Variants in ASAP2 observed in about 807,000 individuals in gnomAD.
The protein encoded by ASAP2 is arf-GAP with SH3 domain, ANK repeat and PH domain-containing protein 2.
ASAP2 carries 45 observed loss-of-function variants against 131.4 expected under a neutral mutation model. The ratio of observed to expected loss-of-function variants is 0.34; its 90% CI spans 0.27 to 0.44. ASAP2 has a LOEUF of 0.44. ASAP2 is among the 20% of genes least tolerant of loss of function. The probability of loss-of-function intolerance (pLI) is 1.00; values close to 1 mark genes in which losing one functional copy is unlikely to be tolerated. For synonymous variants in ASAP2, 510 were observed against 503.0 expected (o/e 1.01, Z -0.19); for missense variants, 1,011 against 1,297.0 (o/e 0.78, Z 3.39).
At chr2:9,398,758 G>A (rs752102091) in intron 24 of ASAP2, 2 of 150,266 alleles carry the variant, frequency 1.3e-5, no homozygotes, top group African/African-American at 5.0e-5. Flanking sequence ...GCAGTGAGCC[G>A]AGATTGTGCC....
chr2:9,380,003 AT>A (rs201498447), intron 19 of ASAP2, among the ~76,000 whole-genome samples: 11,764 of 145,962 alleles, frequency 0.081, 1,459 homozygotes, highest in African/African-American at 0.26. Context: ...AAAAAAAAAA[AT>A]AAATAAAGTA....
At chr2:9,400,266 T>TGC (rs1676536984) in intron 25 of ASAP2, among the ~76,000 whole-genome samples, 194 bp downstream of exon 25, 3 of 80,404 alleles carry the variant, frequency 3.7e-5, no homozygotes, top group African/African-American at 1.8e-4. Flanking sequence ...CCTGCCCTCT[T>TGC]CCTCTCCTTC....
At chr2:9,248,447 A>AG (rs1434170367) in intron 1 of ASAP2, among the ~76,000 whole-genome samples, 1 of 151,806 alleles carries the variant, frequency 6.6e-6, no homozygotes, top group Admixed American at 6.6e-5. Context: ...ATGCCAGCGT[A>AG]GAGAGGATAG....
rs1324037367 is a variant in ASAP2 at position 9,207,546 on chromosome 2, CT to C, written c.126+317del. 6.6e-6 allele frequency among the ~76,000 whole-genome samples: 1 copy of C among 152,048 alleles called. No homozygotes were observed. Among genetic ancestry groups the C allele is most frequent in the Non-Finnish European group, 1.5e-5 (1 of 67,994 alleles). On this transcript the variant is annotated intron_variant, in intron 1 of 27. Coordinates refer to ENST00000281419, the MANE Select transcript of ASAP2 (RefSeq NM_003887.3). This position sits in a 1 kb window ranked among gnomAD's most constrained non-coding sequence, Gnocchi z 4.1. ...GGTCCGCGGCGAGCGGGGGATCCCGCTGCCCGCCGCCGCCCGCCGCCGCCCG... is the reference window on the plus strand; with the variant it reads ...GGTCCGCGGCGAGCGGGGGATCCCGCGCCCGCCGCCGCCCGCCGCCGCCCG...
chr2:9,395,543 G>GTGTTTT (rs1394281177), intron 24 of ASAP2, among the ~76,000 whole-genome samples: 1 of 144,334 alleles, frequency 6.9e-6, no homozygotes, highest in Non-Finnish European at 1.5e-5. Context: ...CTGCACTACT[G>GTGTTTT]TGTTTTTGTT....
rs191495561 is a variant in ASAP2 at position 9,286,456 on chromosome 2, A to G, written c.199+7067A>G. Reference sequence around the variant, plus strand: ...AAAAAGGAAAAAAAAAAATATATATATATATACTGTATCTGATTTCTACCT... The same window carrying G: ...AAAAAGGAAAAAAAAAAATATATATGTATATACTGTATCTGATTTCTACCT... On this transcript the variant is annotated intron_variant, in intron 2 of 27. Transcript: ENST00000281419. 3.2e-3 allele frequency among the ~76,000 whole-genome samples: 487 copies of G among 151,310 alleles called. 22 individuals carry two copies. In the East Asian group the frequency reaches 0.076, roughly 24 times the overall value.
chr2:9,380,552 A>G (rs1674757858), intron 19 of ASAP2, among the ~76,000 whole-genome samples, 189 bp from the exon 20 acceptor site: 1 of 152,146 alleles, frequency 6.6e-6, no homozygotes, highest in Non-Finnish European at 1.5e-5. Context: ...TACCTTCTGT[A>G]TTTAGCTGTA....
intron 1 of ASAP2, among the ~76,000 whole-genome samples, chr2:9,248,891 C>T (rs986124075): frequency 2.0e-4 from 31 of 152,176 alleles, no homozygotes; most frequent in Admixed American, 1.9e-3. Flanking sequence ...GAGGCTGGCT[C>T]TGTGTCTACC....
Position 9,217,703 on chromosome 2 carries a change from C to A in ASAP2, c.126+10473C>A, listed in dbSNP as rs555469593. 7.2e-5 allele frequency among the ~76,000 whole-genome samples: 11 copies of A among 152,058 alleles called. No homozygotes were observed. The South Asian group carries it at 2.3e-3, about 32-fold the overall frequency. The stretch of plus-strand genomic sequence containing the variant: ...AATCTCGGCTCACTGCAAGCTCCGC[C>A]TCCTGGGTTCACGCCATTCTTCTGT... On this transcript the variant is annotated intron_variant, in intron 1 of 27. Coordinates refer to ENST00000281419, the MANE Select transcript of ASAP2 (RefSeq NM_003887.3). The surrounding 1 kb of genome is among the most constrained non-coding windows in gnomAD (Gnocchi z 4.0).
At position 9,393,384 on chromosome 2, in the gene ASAP2, A is replaced by G; in HGVS notation, c.2519-98A>G. The G allele has an allele frequency of 3.6e-6, 4 of 1,121,362 alleles. No individual in the cohort carries two copies. In the South Asian group the frequency reaches 7.2e-5, roughly 20 times the overall value. The allele number at this position is 1,121,362 out of a possible 1,614,324, so 69.5% of individuals were successfully genotyped here. A position where few individuals can be genotyped will look rare whatever the true frequency, so the allele number is the denominator to read the frequency against. On this transcript the variant is annotated intron_variant, in intron 23 of 27. Coordinates refer to ENST00000281419, the MANE Select transcript of ASAP2 (RefSeq NM_003887.3). ...AGGTTTTTCCTTAGGAAATAGCAAT[A>G]AAAAACTGAAGCCCTTCTCAGAAAA...
In ASAP2 at chr2:9,318,609, G is replaced by A. The variant is rs1191963726; in HGVS notation, c.420+11G>A. 6.3e-7 allele frequency: 1 copy of A among 1,594,138 alleles called. No individual in the cohort carries two copies. The highest frequency in any genetic ancestry group is 1.3e-5 in the African/African-American group (1 of 74,208). On this transcript the variant is annotated intron_variant, in intron 4 of 27. Coordinates refer to ENST00000281419, the MANE Select transcript of ASAP2 (RefSeq NM_003887.3). ...AAAGGAGTGAAAGGGGTATGACATT[G>A]ACACTGTGACACCAGGGGCAGCTTT...
At position 9,341,219 on chromosome 2, in the gene ASAP2, G is replaced by A. The variant is rs528456399; in HGVS notation, c.850-3313G>A. ...TGAAAGGGCCGGTTTTCTCTGTCAG[G>A]CCTTCACCTGGTCAGGCGTTTTGTA... On this transcript the variant is annotated intron_variant, in intron 9 of 27. Coordinates refer to ENST00000281419, the MANE Select transcript of ASAP2 (RefSeq NM_003887.3). Among the ~76,000 whole-genome samples the A allele has an allele frequency of 2.0e-5, 3 of 152,244 alleles. No homozygotes were observed. In the East Asian group the frequency reaches 5.8e-4, roughly 29 times the overall value.
intron 11 of ASAP2, among the ~76,000 whole-genome samples, chr2:9,350,140 T>C (rs367951028): frequency 6.6e-5 from 10 of 152,346 alleles, no homozygotes; most frequent in African/African-American, 2.4e-4. Flanking sequence ...GAAACTGTAA[T>C]AAAATAGCCA....
At chr2:9,260,879 A>C (rs183425550) in intron 1 of ASAP2, among the ~76,000 whole-genome samples, 97 of 152,290 alleles carry the variant, frequency 6.4e-4, no homozygotes, top group Non-Finnish European at 3.2e-4. Flanking sequence ...CCCCTACTCT[A>C]TCTGCTTCTC....
rs1331972650 is a variant in ASAP2 at position 9,311,011 on chromosome 2, CT to C, written c.346-7511del. Among the ~76,000 whole-genome samples, 1 of 151,880 alleles carries C rather than the reference CT, an allele frequency of 6.6e-6. No homozygotes were observed. Among genetic ancestry groups the C allele is most frequent in the Non-Finnish European group, 1.5e-5 (1 of 68,004 alleles). On this transcript the variant is annotated intron_variant, in intron 3 of 27. Coordinates refer to ENST00000281419, the MANE Select transcript of ASAP2 (RefSeq NM_003887.3). The surrounding 1 kb of genome is among the most constrained non-coding windows in gnomAD (Gnocchi z 5.2). ...GAGATCACAGACCTTTGACTACTTA[CT>C]TACCTTGTCAGACATATCCAAGTGA...
intron 1 of ASAP2, among the ~76,000 whole-genome samples, chr2:9,275,855 A>G (rs1008730956): frequency 3.9e-5 from 6 of 152,314 alleles, no homozygotes; most frequent in African/African-American, 1.4e-4. Context: ...AAGAGGCGGT[A>G]CGATTAATTT....
intron 9 of ASAP2, among the ~76,000 whole-genome samples, chr2:9,340,177 C>T (rs556963804): frequency 6.6e-6 from 1 of 152,330 alleles, no homozygotes; most frequent in East Asian, 1.9e-4. Flanking sequence ...TACGCGCCAC[C>T]ACGCCTGGCT....
chr2:9,392,862 G>C lies in ASAP2; in HGVS notation c.2519-620G>C, dbSNP rs1330977544. Reference sequence around the variant, plus strand: ...CAAGGGAGGAGAGACGGAGGAAGGAGACTTGGACTCACAGCCTCCCTCCAG... The same window carrying C: ...CAAGGGAGGAGAGACGGAGGAAGGACACTTGGACTCACAGCCTCCCTCCAG... On this transcript the variant is annotated intron_variant, in intron 23 of 27. Transcript: ENST00000281419. The surrounding 1 kb of genome is among the most constrained non-coding windows in gnomAD (Gnocchi z 4.0). Among the ~76,000 whole-genome samples the C allele has an allele frequency of 6.6e-6, 1 of 152,146 alleles. No homozygotes were observed.
rs114739386 is a variant in ASAP2 at position 9,219,302 on chromosome 2, G to A, written c.126+12072G>A. Among the ~76,000 whole-genome samples the A allele has an allele frequency of 6.4e-3, 976 of 152,220 alleles. 10 individuals are homozygous for A. Among genetic ancestry groups the A allele is most frequent in the African/African-American group, 0.023 (936 of 41,512 alleles). On this transcript the variant is annotated intron_variant, in intron 1 of 27. Coordinates refer to ENST00000281419, the MANE Select transcript of ASAP2 (RefSeq NM_003887.3). ...GATTTTCACATTTGCCCTGTGATTCGGTTGTGTTTATGTTGTGGAGCAGAA... is the reference window on the plus strand; with the variant it reads ...GATTTTCACATTTGCCCTGTGATTCAGTTGTGTTTATGTTGTGGAGCAGAA...
Sources: gnomAD v4.1 joint callset for allele counts (sites outside exome capture counted in the v4.1 genomes callset) on GRCh38, gnomAD v4.1.1 for gene constraint, Gnocchi (gnomAD v3.1) non-coding constraint, MANE v1.5 for transcripts, NCBI Gene and HGNC (gene_info 2026-07-23, HGNC 2026-07-21) for gene names.